PRKAR2A: variants seen among roughly 807,000 people sequenced by gnomAD.
PRKAR2A encodes protein kinase cAMP-dependent type II regulatory subunit alpha, also known as cAMP-dependent protein kinase type II-alpha regulatory subunit.
In PRKAR2A, 29 loss-of-function variants were observed where a neutral mutation model predicts 51.9. The observed-to-expected ratio is 0.56, with a 90% confidence interval of 0.42 to 0.76. PRKAR2A has a LOEUF of 0.76. Among genes scored for constraint, PRKAR2A ranks in the 30% least tolerant of loss-of-function variants. The pLI, the probability that PRKAR2A is intolerant of heterozygous loss-of-function variation, is 0.00. For synonymous variants in PRKAR2A, 178 were observed against 186.2 expected (o/e 0.96, Z 0.36); for missense variants, 445 against 512.1 (o/e 0.87, Z 1.26).
At chr3:48,797,521 A>G (rs1019415973) in intron 2 of PRKAR2A, among the ~76,000 whole-genome samples, 4 of 152,120 alleles carry the variant, frequency 2.6e-5, no homozygotes, top group Non-Finnish European at 4.4e-5. Flanking sequence ...CTCTAAACCA[A>G]TAAAAGATCT....
In PRKAR2A at chr3:48,751,402, G is replaced by T. The variant is rs1236730492; in HGVS notation, c.*183C>A. 1.2e-6 allele frequency: 1 copy of T among 831,742 alleles called. No individual in the cohort carries two copies. Among genetic ancestry groups the T allele is most frequent in the Non-Finnish European group, 2.0e-6 (1 of 503,560 alleles). 51.5% of individuals were successfully genotyped at this position (831,742 alleles called of 1,614,324 possible). A position where few individuals can be genotyped will look rare whatever the true frequency, so the allele number is the denominator to read the frequency against. Reference sequence around the variant, plus strand: ...CCTTCAGAAGCAAAGTGGAGGTGTGGGTTGAACCTCTGCCCATCCTTTAGT... The same window carrying T: ...CCTTCAGAAGCAAAGTGGAGGTGTGTGTTGAACCTCTGCCCATCCTTTAGT... On this transcript the variant is annotated 3_prime_UTR_variant, in exon 11 of 11. Transcript: ENST00000265563.
rs575715953 is a variant in PRKAR2A, at chr3:48,768,298, T to TAGAC, written c.697-2950_697-2949insGTCT. On this transcript the variant is annotated intron_variant, in intron 6 of 10. Transcript: ENST00000265563. ...AACAGAGTGAGACCGTCTCAAAAGATAGATAGATAGATAGATAGATAGATA... is the reference window on the plus strand; with the variant it reads ...AACAGAGTGAGACCGTCTCAAAAGATAGACAGATAGATAGATAGATAGATAGATA... 2.8e-4 allele frequency among the ~76,000 whole-genome samples: 36 copies of TAGAC among 130,674 alleles called. No individual in the cohort carries two copies. In the East Asian group the frequency reaches 6.3e-3, roughly 23 times the overall value. 85.7% of individuals were successfully genotyped at this position (130,674 alleles called of 152,430 possible).
chr3:48,789,058 A>G (rs1456203936), intron 4 of PRKAR2A, among the ~76,000 whole-genome samples: 2 of 152,184 alleles, frequency 1.3e-5, no homozygotes, highest in Non-Finnish European at 2.9e-5. Context: ...AGGGAACTAC[A>G]TACCAGCATC....
intron 8 of PRKAR2A, among the ~76,000 whole-genome samples, chr3:48,756,981 G>A (rs1022369486): frequency 5.3e-5 from 8 of 152,178 alleles, no homozygotes; most frequent in African/African-American, 1.9e-4. Flanking sequence ...GCTTTACAAA[G>A]GGGTGCCTGT....
chr3:48,840,341 A>G (rs1354646365), intron 1 of PRKAR2A, among the ~76,000 whole-genome samples: 1 of 151,692 alleles, frequency 6.6e-6, no homozygotes, highest in Non-Finnish European at 1.5e-5. Flanking sequence ...CTAAAAATAC[A>G]AAAACTAGCC....
intron 5 of PRKAR2A, among the ~76,000 whole-genome samples, chr3:48,775,718 AATATTT>A (rs1245642247): frequency 6.6e-6 from 1 of 152,136 alleles, no homozygotes; most frequent in Admixed American, 6.6e-5. Context: ...TTCACCAGGT[AATATTT>A]ATAATAGTAA....
chr3:48,782,438 C>CT (rs796833465), intron 5 of PRKAR2A, among the ~76,000 whole-genome samples: 1,708 of 145,238 alleles, frequency 0.012, 18 homozygotes, highest in Middle Eastern at 0.035. Context: ...AGGAGACTTT[C>CT]TTTTTTTTTT....
chr3:48,836,322 G>C (rs948582737), intron 1 of PRKAR2A, among the ~76,000 whole-genome samples: 2 of 148,948 alleles, frequency 1.3e-5, no homozygotes, highest in African/African-American at 5.0e-5. Context: ...GGGAAACTGA[G>C]GCAGGAGAAT....
chr3:48,809,538 G>C (rs1308670416), intron 1 of PRKAR2A, among the ~76,000 whole-genome samples: 1 of 146,946 alleles, frequency 6.8e-6, no homozygotes, highest in African/African-American at 2.5e-5. Context: ...AGAGGTTGTG[G>C]TGAGCCAAGA....
chr3:48,824,052 C>A (rs1688435907), intron 1 of PRKAR2A, among the ~76,000 whole-genome samples: 1 of 152,082 alleles, frequency 6.6e-6, no homozygotes, highest in African/African-American at 2.4e-5. Context: ...ACCAGCCTGG[C>A]CAACATGGCG....
chr3:48,819,102 G>A (rs1293066388), intron 1 of PRKAR2A, among the ~76,000 whole-genome samples: 2 of 151,582 alleles, frequency 1.3e-5, no homozygotes, highest in African/African-American at 2.4e-5. Context: ...TGCAACCTCC[G>A]CCTCCTGGGC....
chr3:48,789,831 C>G (rs951774644), intron 4 of PRKAR2A, among the ~76,000 whole-genome samples: 1 of 151,534 alleles, frequency 6.6e-6, no homozygotes, highest in Admixed American at 6.6e-5. Context: ...CTTTCTCCCT[C>G]CCTCCCTCTC....
intron 2 of PRKAR2A, among the ~76,000 whole-genome samples, chr3:48,803,241 T>C (rs1043360426): frequency 2.6e-5 from 4 of 151,774 alleles, no homozygotes; most frequent in African/African-American, 9.7e-5. Context: ...AAGGGAGACC[T>C]TGTCTTTACA....
Position 48,765,247 on chromosome 3 carries a change from C to A in PRKAR2A, c.798+1G>T. ...ACAGATTCTTATTCAAGCCACTTTA[C>A]CTCTAGTGATTTAAGGAGGGGCACA... On this transcript the variant is annotated splice_donor_variant, in intron 7 of 10. Transcript: ENST00000265563. LOFTEE classifies it high-confidence loss of function. The A allele has an allele frequency of 6.2e-7, 1 of 1,603,318 alleles. No homozygotes were observed. Among genetic ancestry groups the A allele is most frequent in the Non-Finnish European group, 8.5e-7 (1 of 1,172,376 alleles).
At chr3:48,772,214 G>C (rs1371134310) in intron 6 of PRKAR2A, among the ~76,000 whole-genome samples, 1 of 152,116 alleles carries the variant, frequency 6.6e-6, no homozygotes, top group Non-Finnish European at 1.5e-5. Flanking sequence ...TTCCATCTTG[G>C]TCTGAACCAG....
Position 48,758,048 on chromosome 3 carries a change from C to T in PRKAR2A, c.874-1604G>A, listed in dbSNP as rs367800188. Among the ~76,000 whole-genome samples, 290 of 151,190 alleles carry T rather than the reference C, an allele frequency of 1.9e-3. 12 individuals are homozygous for T. The South Asian group carries it at 0.059, about 31-fold the overall frequency. Reference sequence around the variant, plus strand: ...TCCAGCCTGGGCGACAAGAACGAAACTCTGTCTCAAAAATAAATAAAATAC... The same window carrying T: ...TCCAGCCTGGGCGACAAGAACGAAATTCTGTCTCAAAAATAAATAAAATAC... On this transcript the variant is annotated intron_variant, in intron 8 of 10. Coordinates refer to ENST00000265563, the MANE Select transcript of PRKAR2A (RefSeq NM_004157.4).
At chr3:48,808,410 C>T (rs539084029) in intron 1 of PRKAR2A, among the ~76,000 whole-genome samples, 2 of 152,356 alleles carry the variant, frequency 1.3e-5, no homozygotes, top group Admixed American at 1.3e-4. Context: ...CCCGCCACCA[C>T]ACCCAGCTAA....
intron 5 of PRKAR2A, among the ~76,000 whole-genome samples, chr3:48,779,684 G>A (rs548190231): frequency 3.1e-4 from 47 of 151,464 alleles, no homozygotes; most frequent in Non-Finnish European, 5.6e-4. Context: ...GGAGGCTATG[G>A]CAGGAGAATC....
In PRKAR2A at chr3:48,837,805, G is replaced by GA. The variant is rs575962722; in HGVS notation, c.262+9529dup. Among the ~76,000 whole-genome samples, 1,295 of 130,096 alleles carry GA rather than the reference G, an allele frequency of 1.0e-2. 10 individuals are homozygous for GA. The highest frequency in any genetic ancestry group is 0.031 in the African/African-American group (1,100 of 35,682). 85.3% of individuals were successfully genotyped at this position (130,096 alleles called of 152,430 possible). ...GTTTATTTAGAACAAGTGGAAAAAG[G>GA]AAAAAAAAAAAAAAAGTACTGATAC... On this transcript the variant is annotated intron_variant, in intron 1 of 10. Coordinates refer to ENST00000265563, the MANE Select transcript of PRKAR2A (RefSeq NM_004157.4).
Sources: allele counts gnomAD v4.1 joint callset (sites outside exome capture counted in the v4.1 genomes callset), GRCh38; gene constraint gnomAD v4.1.1; transcripts MANE v1.5; gene names NCBI Gene and HGNC (gene_info 2026-07-23, HGNC 2026-07-21).